FREM1: variants seen among roughly 807,000 people sequenced by gnomAD.
FREM1 encodes the protein FRAS1 related extracellular matrix 1.
A neutral mutation model predicts 210.1 loss-of-function variants in FREM1; 220 were observed. The observed-to-expected ratio is 1.05, with a 90% CI of 0.94 to 1.17. FREM1 has a LOEUF of 1.17. Ranked by LOEUF, FREM1 falls within the 50% of genes most tolerant of loss-of-function variation. The probability of loss-of-function intolerance (pLI) is 0.00; values close to 1 mark genes in which losing one functional copy is unlikely to be tolerated. For missense variants in FREM1, 3,454 were observed against 2,675.5 expected (o/e 1.29, Z -6.42); for synonymous variants, 1,189 against 980.2 (o/e 1.21, Z -3.98).
intron 8 of FREM1, among the ~76,000 whole-genome samples, chr9:14,844,709 C>T (rs1241212813): frequency 6.6e-6 from 1 of 152,222 alleles, no homozygotes; most frequent in Non-Finnish European, 1.5e-5. Context: ...TAAAAATACT[C>T]AGGCTTCCCG....
At chr9:14,858,728 T>C (rs1829264408) in intron 4 of FREM1, among the ~76,000 whole-genome samples, 1 of 152,176 alleles carries the variant, frequency 6.6e-6, no homozygotes, top group Non-Finnish European at 1.5e-5. Flanking sequence ...CTTCCTAATT[T>C]CGTCTATCAC....
chr9:14,841,574 C>A lies in FREM1; in HGVS notation c.1754G>T (p.Gly585Val), dbSNP rs1456680317. 1.2e-6 allele frequency: 2 copies of A among 1,606,370 alleles called. No homozygotes were observed. The highest frequency in any genetic ancestry group is 3.3e-5 in the Admixed American group (2 of 59,742). The change falls in exon 10 of 37, where the codon GGC (glycine) becomes GTC (valine). Residue 585 changes from glycine to valine, a missense_variant. By Grantham distance (109) the Gly-to-Val change is moderately radical. Coordinates refer to ENST00000380880, the MANE Select transcript of FREM1 (RefSeq NM_001379081.2). ...GPGLIGYPVH[G>V]FLQRDLFNGI... ...ATTAAACAAATCCCTCTGAAGGAAG[C>A]CATGGACAGGATAGCCTATTGGGTC...
At chr9:14,861,050 TATAC>T (rs1199435326) in intron 3 of FREM1, among the ~76,000 whole-genome samples, 9 of 77,652 alleles carry the variant, frequency 1.2e-4, no homozygotes, top group South Asian at 3.6e-4. Context: ...TATATACATA[TATAC>T]ATATATACAC....
intron 35 of FREM1, among the ~76,000 whole-genome samples, chr9:14,743,254 C>T (rs554905901): frequency 2.0e-5 from 3 of 151,834 alleles, no homozygotes; most frequent in African/African-American, 4.8e-5. Flanking sequence ...TTGTGATGAT[C>T]GAATGGTACA....
At chr9:14,900,566 G>C (rs1838602497) in intron 1 of FREM1, among the ~76,000 whole-genome samples, 2 of 152,114 alleles carry the variant, frequency 1.3e-5, no homozygotes, top group African/African-American at 4.8e-5. Flanking sequence ...ACCCAGTGTG[G>C]TGGTGGTTGG....
At chr9:14,790,309 C>A (rs1721095783) in intron 22 of FREM1, among the ~76,000 whole-genome samples, 1 of 152,104 alleles carries the variant, frequency 6.6e-6, no homozygotes, top group Admixed American at 6.6e-5. Flanking sequence ...GATAACGTTT[C>A]TTTCTCTTTA....
chr9:14,820,927 A>T (rs571442379), intron 13 of FREM1, among the ~76,000 whole-genome samples: 9 of 152,340 alleles, frequency 5.9e-5, no homozygotes, highest in African/African-American at 1.9e-4. Context: ...TTAGTATCCC[A>T]ATATGGAATC....
In FREM1 at chr9:14,737,356, G is replaced by C. The variant is rs757256454; in HGVS notation, c.*40C>G. The C allele has an allele frequency of 6.7e-7, 1 of 1,481,522 alleles. No individual in the cohort carries two copies. Among genetic ancestry groups the C allele is most frequent in the Non-Finnish European group, 9.4e-7 (1 of 1,069,474 alleles). The allele number at this position is 1,481,522 out of a possible 1,614,324, so 91.8% of individuals were successfully genotyped here. A position where few individuals can be genotyped will look rare whatever the true frequency, so the allele number is the denominator to read the frequency against. ...ATTCACAGATCCTGTGAATAAATAG[G>C]TGACAAACTCCAGGTGGCCCCCTGT... On this transcript the variant is annotated 3_prime_UTR_variant, in exon 37 of 37. Transcript: ENST00000380880.
intron 16 of FREM1, 85 bp from the exon 17 acceptor site, chr9:14,808,219 C>T: frequency 1.3e-6 from 1 of 797,336 alleles, no homozygotes; most frequent in Non-Finnish European, 1.9e-6. Flanking sequence ...CTTCTACAAG[C>T]ATTGAAACAG....
intron 24 of FREM1, among the ~76,000 whole-genome samples, chr9:14,778,708 G>T (rs1171818918): frequency 1.3e-5 from 1 of 79,740 alleles, no homozygotes; most frequent in African/African-American, 4.1e-5. Context: ...GGGAAGGGAA[G>T]GGAAGGGAAG....
At chr9:14,786,806 T>G (rs1175920324) in intron 23 of FREM1, among the ~76,000 whole-genome samples, 1 of 152,130 alleles carries the variant, frequency 6.6e-6, no homozygotes, top group Non-Finnish European at 1.5e-5. Flanking sequence ...TAAATTTAAA[T>G]CAAAACCTTA....
At position 14,842,982 on chromosome 9, in the gene FREM1, A is replaced by T. The variant is rs1310630699; in HGVS notation, c.1394-322T>A. 3.3e-5 allele frequency among the ~76,000 whole-genome samples: 5 copies of T among 152,334 alleles called. No homozygotes were observed. In the South Asian group the frequency reaches 6.2e-4, roughly 19 times the overall value. ...GCTAAGGAATGCCCAGACAACTGGT[A>T]AAATATTATTGCTGGGTGGTTCTGT... On this transcript the variant is annotated intron_variant, in intron 8 of 36. Coordinates refer to ENST00000380880, the MANE Select transcript of FREM1 (RefSeq NM_001379081.2).
At chr9:14,774,012 T>A (rs2132574010) in intron 25 of FREM1, 2 of 490,318 alleles carry the variant, frequency 4.1e-6, no homozygotes, top group South Asian at 3.1e-5. Context: ...TAAGATCAAT[T>A]AAAACATATG....
chr9:14,822,518 A>G (rs1334953719), intron 13 of FREM1, among the ~76,000 whole-genome samples: 2 of 152,192 alleles, frequency 1.3e-5, no homozygotes, highest in Non-Finnish European at 1.5e-5. Flanking sequence ...TTTAAGGGAA[A>G]TAATAAGAAT....
chr9:14,851,766 A>C (rs1827802877), intron 5 of FREM1, among the ~76,000 whole-genome samples, 159 bp from the exon 6 acceptor site: 1 of 152,174 alleles, frequency 6.6e-6, no homozygotes, highest in African/African-American at 2.4e-5. Context: ...CTTTAAACAC[A>C]TGCTGGTACC....
At position 14,819,448 on chromosome 9, in the gene FREM1, A is replaced by G; in HGVS notation, c.2338-6T>C. 2 of 1,593,462 alleles carry G rather than the reference A, an allele frequency of 1.3e-6. No individual in the cohort carries two copies. The highest frequency in any genetic ancestry group is 1.1e-5 in the South Asian group (1 of 89,942). On this transcript the variant is annotated splice_region_variant and splice_polypyrimidine_tract_variant and intron_variant, in intron 13 of 36. Coordinates refer to ENST00000380880, the MANE Select transcript of FREM1 (RefSeq NM_001379081.2). ...TTCAGAGGGTTGGTGAACGCCTAGA[A>G]AGAAGAAAGGAAGGAAACATTCAAA...
At position 14,773,095 on chromosome 9, in the gene FREM1, G is replaced by A. The variant is rs1847885167; in HGVS notation, c.4858-2289C>T. Reference sequence around the variant, plus strand: ...CAGAAGCATTTTTAAATATTGGGTTGCAAGATTTTTTTTTAAAGAAAGCTC... The same window carrying A: ...CAGAAGCATTTTTAAATATTGGGTTACAAGATTTTTTTTTAAAGAAAGCTC... On this transcript the variant is annotated intron_variant, in intron 25 of 36. Coordinates refer to ENST00000380880, the MANE Select transcript of FREM1 (RefSeq NM_001379081.2). Among the ~76,000 whole-genome samples, 6 of 152,134 alleles carry A rather than the reference G, an allele frequency of 3.9e-5. No homozygotes were observed. The South Asian group carries it at 1.2e-3, about 31-fold the overall frequency.
At chr9:14,851,145 A>C (rs924482968) in intron 6 of FREM1, 139 bp downstream of exon 6, 3 of 657,100 alleles carry the variant, frequency 4.6e-6, no homozygotes, top group Non-Finnish European at 7.6e-6. Flanking sequence ...CTGGGCAGTG[A>C]GTGTGCATCC....
Position 14,747,087 on chromosome 9 carries a change from T to C in FREM1, c.6010-36A>G, listed in dbSNP as rs949196536. 3 of 1,612,414 alleles carry C rather than the reference T, an allele frequency of 1.9e-6. No homozygotes were observed. In the African/African-American group the frequency reaches 4.0e-5, roughly 22 times the overall value. ...GAAAGGCAATTTAGCAATTTAGAAT[T>C]GACTTAAGGAAAGTTGCTCACACAT... On this transcript the variant is annotated intron_variant, in intron 33 of 36. Transcript: ENST00000380880.
Sources: allele counts gnomAD v4.1 joint callset (sites outside exome capture counted in the v4.1 genomes callset), GRCh38; gene constraint gnomAD v4.1.1; transcripts MANE v1.5; gene names NCBI Gene and HGNC (gene_info 2026-07-23, HGNC 2026-07-21).